Variants in DNAH12 observed in about 807,000 individuals in gnomAD.
DNAH12 encodes axonemal beta dynein heavy chain 12.
A neutral mutation model predicts 371.5 loss-of-function variants in DNAH12; 285 were observed. The ratio of observed to expected loss-of-function variants is 0.77; its 90% confidence interval spans 0.70 to 0.85. DNAH12 has a LOEUF of 0.85. DNAH12 is among the 40% of genes least tolerant of loss of function. The probability of loss-of-function intolerance (pLI) is 0.00; values close to 1 mark genes in which losing one functional copy is unlikely to be tolerated. For synonymous variants in DNAH12, 1,200 were observed against 1,213.0 expected (o/e 0.99, Z 0.22); for missense variants, 3,611 against 3,689.4 (o/e 0.98, Z 0.55).
At position 57,544,258 on chromosome 3, in the gene DNAH12, G is replaced by A. The variant is rs1210235179; in HGVS notation, c.-95C>T. 1 of 152,230 alleles carries A rather than the reference G, an allele frequency of 6.6e-6. No individual in the cohort carries two copies. The highest frequency in any genetic ancestry group is 1.9e-4 in the East Asian group (1 of 5,196). 9.4% of individuals were successfully genotyped at this position (152,230 alleles called of 1,614,324 possible). On this transcript the variant is annotated 5_prime_UTR_variant, in exon 1 of 74. Transcript: ENST00000495027. ...CCAGAGAGAGAGAGAGACAGTCAGAGCCTCTCCTCAGGTGAAAGGCAGGGG... is the reference window on the plus strand; with the variant it reads ...CCAGAGAGAGAGAGAGACAGTCAGAACCTCTCCTCAGGTGAAAGGCAGGGG...
chr3:57,309,397 A>G (rs2061540628), intron 68 of DNAH12, 143 bp from the exon 69 acceptor site: 1 of 720,084 alleles, frequency 1.4e-6, no homozygotes, highest in African/African-American at 1.8e-5. Context: ...AGTCCTATGT[A>G]CCTTAGCTCA....
chr3:57,322,954 G>C (rs2061841974), intron 64 of DNAH12, 53 bp downstream of exon 64: 8 of 1,528,394 alleles, frequency 5.2e-6, no homozygotes, highest in Non-Finnish European at 7.0e-6. Flanking sequence ...AAACAAATAA[G>C]ATATACAGAT....
intron 60 of DNAH12, among the ~76,000 whole-genome samples, chr3:57,349,150 T>TA (rs1213935169): frequency 2.0e-5 from 3 of 151,954 alleles, no homozygotes; most frequent in East Asian, 1.9e-4. Context: ...AACAATCTCA[T>TA]AAAAAAGTGA....
At chr3:57,319,139 G>C (rs2061749206) in intron 65 of DNAH12, among the ~76,000 whole-genome samples, 1 of 151,980 alleles carries the variant, frequency 6.6e-6, no homozygotes, top group Non-Finnish European at 1.5e-5. Flanking sequence ...ATTATAAATG[G>C]GATTGTTTTC....
At chr3:57,328,919 A>G (rs1298125711) in intron 62 of DNAH12, among the ~76,000 whole-genome samples, 12 of 133,592 alleles carry the variant, frequency 9.0e-5, no homozygotes, top group Admixed American at 8.4e-4. Flanking sequence ...CACCAATAAC[A>G]GACAAACAGA....
chr3:57,531,284 T>C (rs978737858), intron 2 of DNAH12, among the ~76,000 whole-genome samples: 2 of 152,208 alleles, frequency 1.3e-5, no homozygotes, highest in Non-Finnish European at 2.9e-5. Flanking sequence ...GCATATTTTT[T>C]CCAGATGCAG....
At chr3:57,498,335 G>A (rs1223291733) in intron 11 of DNAH12, 1 of 585,020 alleles carries the variant, frequency 1.7e-6, no homozygotes, top group East Asian at 2.8e-5. Flanking sequence ...TGTTTTTTGA[G>A]ACAAAGAGTT....
At chr3:57,453,046 G>T (rs1435327673) in intron 24 of DNAH12, 31 bp from the exon 25 acceptor site, 2 of 1,516,232 alleles carry the variant, frequency 1.3e-6, no homozygotes, top group African/African-American at 2.8e-5. Flanking sequence ...TAAGACACAT[G>T]ATCCTTAAAT....
chr3:57,516,965 T>G (rs1207879860), intron 4 of DNAH12, among the ~76,000 whole-genome samples: 2 of 152,178 alleles, frequency 1.3e-5, no homozygotes, highest in Non-Finnish European at 2.9e-5. Flanking sequence ...TACTTTCCCA[T>G]GAGCTCAATC....
At chr3:57,554,785 T>G in the DNAH12 span, among the ~76,000 whole-genome samples, 669 of 152,154 alleles carry the variant, frequency 4.4e-3, 6 homozygotes, top group African/African-American at 0.016. Flanking sequence ...CCAGCTAATT[T>G]TTTGTATTTT....
At chr3:57,411,523 T>C (rs568200831) in intron 39 of DNAH12, among the ~76,000 whole-genome samples, 163 of 68,904 alleles carry the variant, frequency 2.4e-3, no homozygotes, top group African/African-American at 0.011. Context: ...TGAGACACTG[T>C]CTCAAAAAAA....
Position 57,293,720 on chromosome 3 carries a change from T to G in DNAH12, c.*61A>C. On this transcript the variant is annotated 3_prime_UTR_variant, in exon 74 of 74. Transcript: ENST00000495027. ...AACACTTGGTTTTATAATGTATATA[T>G]TTTAAGTAGGACAGGTTTTTTTTTT... 6.7e-7 allele frequency: 1 copy of G among 1,484,648 alleles called. No homozygotes were observed. The highest frequency in any genetic ancestry group is 2.3e-5 in the Admixed American group (1 of 42,830). The allele number at this position is 1,484,648 out of a possible 1,614,324, so 92.0% of individuals were successfully genotyped here.
intron 6 of DNAH12, 22 bp downstream of exon 6, chr3:57,509,118 G>C: frequency 6.3e-7 from 1 of 1,594,348 alleles, no homozygotes; most frequent in South Asian, 1.1e-5. Flanking sequence ...ATGAAGTACT[G>C]TTTTTAAAAT....
the DNAH12 span, among the ~76,000 whole-genome samples, chr3:57,552,829 A>T: frequency 6.6e-6 from 1 of 152,084 alleles, no homozygotes; most frequent in Non-Finnish European, 1.5e-5. Context: ...CCAGTGAACT[A>T]TTATGTTGCC....
Position 57,528,203 on chromosome 3 carries a change from T to C in DNAH12, c.171-4319A>G, listed in dbSNP as rs553235758. ...ACCACCATGCCTGGTTAATTTTGTA[T>C]TTTTAGTAGAGACAGGGTTTCTCCA... On this transcript the variant is annotated intron_variant, in intron 2 of 73. Transcript: ENST00000495027. 2.6e-3 allele frequency among the ~76,000 whole-genome samples: 395 copies of C among 151,834 alleles called. 2 individuals are homozygous for C. The highest frequency in any genetic ancestry group is 8.7e-3 in the African/African-American group (359 of 41,444).
intron 11 of DNAH12, among the ~76,000 whole-genome samples, chr3:57,496,731 G>A (rs895120861): frequency 1.3e-5 from 2 of 152,180 alleles, no homozygotes; most frequent in Non-Finnish European, 2.9e-5. Flanking sequence ...TACTTCGGGA[G>A]GCCAAGGTGG....
At chr3:57,465,436 A>C (rs2066172148) in intron 17 of DNAH12, among the ~76,000 whole-genome samples, 1 of 152,188 alleles carries the variant, frequency 6.6e-6, no homozygotes, top group Non-Finnish European at 1.5e-5. Context: ...CATAACCCTG[A>C]TACCAAAATC....
intron 37 of DNAH12, among the ~76,000 whole-genome samples, chr3:57,416,553 A>G (rs1043164674): frequency 1.4e-4 from 21 of 152,212 alleles, no homozygotes; most frequent in African/African-American, 4.8e-4. Context: ...TAGGGTACAG[A>G]CATGGGGGCA....
chr3:57,461,928 A>C (rs2066066226), intron 18 of DNAH12, among the ~76,000 whole-genome samples: 1 of 152,212 alleles, frequency 6.6e-6, no homozygotes, highest in Non-Finnish European at 1.5e-5. Flanking sequence ...ACTGCTGTCA[A>C]TATTAAAAAT....
Sources: gnomAD v4.1 joint callset for allele counts (sites outside exome capture counted in the v4.1 genomes callset) on GRCh38, gnomAD v4.1.1 for gene constraint, MANE v1.5 for transcripts, NCBI Gene and HGNC (gene_info 2026-07-23, HGNC 2026-07-21) for gene names.